Variants in CNTN3 observed in about 807,000 individuals in gnomAD.
CNTN3 encodes contactin 3.
CNTN3 carries 60 observed loss-of-function variants against 119.1 expected under a neutral mutation model. The observed-to-expected ratio is 0.50, with a 90% CI of 0.41 to 0.62. The LOEUF is 0.62. CNTN3 is among the 20% of genes least tolerant of loss of function. The pLI, the probability that CNTN3 is intolerant of heterozygous loss-of-function variation, is 0.00. For synonymous variants in CNTN3, 450 were observed against 438.7 expected, an observed-to-expected ratio of 1.03 and a Z score of -0.32; for missense variants, 1,101 against 1,242.4, an observed-to-expected ratio of 0.89 and a Z score of 1.71.
At chr3:74,605,135 G>C (rs1010831126) in intron 1 of CNTN3, among the ~76,000 whole-genome samples, 1 of 152,082 alleles carries the variant, frequency 6.6e-6, no homozygotes, top group Non-Finnish European at 1.5e-5. Context: ...GGTTACCAGG[G>C]GGGTGAGGAG....
At chr3:74,275,693 TAA>T (rs60218648) in intron 20 of CNTN3, among the ~76,000 whole-genome samples, 19 of 148,422 alleles carry the variant, frequency 1.3e-4, no homozygotes, top group African/African-American at 4.2e-4. Flanking sequence ...AAAGGACCTA[TAA>T]AAAAAAAATA....
chr3:74,509,905 C>T (rs1703334509), intron 2 of CNTN3, among the ~76,000 whole-genome samples: 3 of 151,952 alleles, frequency 2.0e-5, no homozygotes. Context: ...TAATATATTA[C>T]ATGTACTTGT....
In CNTN3 at chr3:74,487,394, G is replaced by A. The variant is rs114743800; in HGVS notation, c.183-763C>T. On this transcript the variant is annotated intron_variant, in intron 3 of 22. Coordinates refer to ENST00000263665, the MANE Select transcript of CNTN3 (RefSeq NM_020872.3). ...CCCACAATCTCAAGAACACATTACCGTAAAAAACAGGGCACCCAGCTCCTA... is the reference window on the plus strand; with the variant it reads ...CCCACAATCTCAAGAACACATTACCATAAAAAACAGGGCACCCAGCTCCTA... 7.5e-3 allele frequency among the ~76,000 whole-genome samples: 1,135 copies of A among 151,954 alleles called. 19 individuals are homozygous for A. The highest frequency in any genetic ancestry group is 0.025 in the African/African-American group (1,054 of 41,438).
intron 5 of CNTN3, among the ~76,000 whole-genome samples, chr3:74,382,825 A>G (rs1197453521): frequency 1.3e-5 from 2 of 152,222 alleles, no homozygotes; most frequent in African/African-American, 4.8e-5. Context: ...TGCTGCAATG[A>G]AAATGGGAGT....
At chr3:74,397,130 A>G (rs1034913074) in intron 5 of CNTN3, among the ~76,000 whole-genome samples, 4 of 152,214 alleles carry the variant, frequency 2.6e-5, no homozygotes, top group African/African-American at 9.6e-5. Context: ...GCCAATGCTC[A>G]TTGACCATTC....
chr3:74,285,409 C>A lies in CNTN3; in HGVS notation c.2600G>T (p.Arg867Leu). ...VAGNETSARLRGLKSNLAYYT... is the reference protein window; with the variant it reads ...VAGNETSARLLGLKSNLAYYT... The stretch of plus-strand genomic sequence containing the variant: ...ATAGGCCAGGTTGCTCTTCAGGCCC[C>A]GTAGTCTGGCTGATGTCTCATTTCC... The change falls in exon 20 of 23, where the codon CGG (arginine) becomes CTG (leucine). Residue 867 changes from arginine to leucine, a missense_variant. By Grantham distance (102) the Arg-to-Leu change is moderately radical. Transcript: ENST00000263665. 4 of 1,613,352 alleles carry A rather than the reference C, an allele frequency of 2.5e-6. No individual in the cohort carries two copies. Among genetic ancestry groups the A allele is most frequent in the Non-Finnish European group, 3.4e-6 (4 of 1,179,706 alleles).
chr3:74,355,250 C>G (rs1207054674), intron 11 of CNTN3, among the ~76,000 whole-genome samples: 1 of 152,130 alleles, frequency 6.6e-6, no homozygotes, highest in African/African-American at 2.4e-5. Context: ...CTCCTGTCTT[C>G]TCTTCAAATC....
At chr3:74,327,405 G>A (rs1183685445) in intron 13 of CNTN3, among the ~76,000 whole-genome samples, 3 of 152,012 alleles carry the variant, frequency 2.0e-5, no homozygotes, top group Non-Finnish European at 4.4e-5. Context: ...TCGTATTACA[G>A]GCATGAGCCA....
chr3:74,504,465 C>CT (rs932898824), intron 2 of CNTN3, among the ~76,000 whole-genome samples: 1 of 152,022 alleles, frequency 6.6e-6, no homozygotes, highest in Non-Finnish European at 1.5e-5. Flanking sequence ...AAGATGGAAA[C>CT]TTTTTTTAGA....
At chr3:74,458,781 G>T (rs1217202639) in intron 4 of CNTN3, among the ~76,000 whole-genome samples, 1 of 152,018 alleles carries the variant, frequency 6.6e-6, no homozygotes, top group African/African-American at 2.4e-5. Flanking sequence ...TGGTATATTT[G>T]TCAACACTCA....
intron 5 of CNTN3, among the ~76,000 whole-genome samples, chr3:74,409,302 A>G (rs1418114458): frequency 6.6e-6 from 1 of 152,200 alleles, no homozygotes; most frequent in East Asian, 1.9e-4. Flanking sequence ...CCAGATAAGT[A>G]AGGTGAATGC....
chr3:74,532,468 G>A (rs969091912), intron 1 of CNTN3, among the ~76,000 whole-genome samples: 1 of 151,784 alleles, frequency 6.6e-6, no homozygotes. Flanking sequence ...AGACAGAGAT[G>A]AACAACAATA....
chr3:74,299,504 C>G (rs1036783264), intron 17 of CNTN3, among the ~76,000 whole-genome samples: 1 of 152,190 alleles, frequency 6.6e-6, no homozygotes, highest in African/African-American at 2.4e-5. Flanking sequence ...CATAACTCAT[C>G]TCTATGTCTA....
At chr3:74,320,095 T>C (rs1702949286) in intron 13 of CNTN3, among the ~76,000 whole-genome samples, 1 of 152,190 alleles carries the variant, frequency 6.6e-6, no homozygotes, top group Non-Finnish European at 1.5e-5. Flanking sequence ...TCAACCATTG[T>C]GGAAGTCAGT....
chr3:74,426,021 T>C (rs539611616), intron 4 of CNTN3, among the ~76,000 whole-genome samples: 1 of 152,186 alleles, frequency 6.6e-6, no homozygotes, highest in Non-Finnish European at 1.5e-5. Flanking sequence ...GTGCAAATAC[T>C]ATTTTGATTA....
intron 4 of CNTN3, among the ~76,000 whole-genome samples, chr3:74,457,429 T>C (rs1702290677): frequency 6.6e-6 from 1 of 152,026 alleles, no homozygotes; most frequent in South Asian, 2.1e-4. Context: ...ACCTAAACTC[T>C]TTGAGACTTA....
At chr3:74,538,008 C>G (rs1443701124) in intron 1 of CNTN3, among the ~76,000 whole-genome samples, 1 of 152,056 alleles carries the variant, frequency 6.6e-6, no homozygotes, top group East Asian at 1.9e-4. Context: ...CCTTCTAAGT[C>G]TTGCTCATCA....
chr3:74,477,239 C>G (rs543972912), intron 4 of CNTN3, among the ~76,000 whole-genome samples: 2 of 152,112 alleles, frequency 1.3e-5, no homozygotes, highest in African/African-American at 2.4e-5. Context: ...TAGAATCTGC[C>G]CAAAGTCACA....
chr3:74,514,346 T>C (rs1703416814), intron 2 of CNTN3, among the ~76,000 whole-genome samples: 1 of 152,144 alleles, frequency 6.6e-6, no homozygotes, highest in Non-Finnish European at 1.5e-5. Flanking sequence ...TCTCTCCATT[T>C]CTAGAAGTCA....
Sources: gnomAD v4.1 joint callset for allele counts (sites outside exome capture counted in the v4.1 genomes callset) on GRCh38, gnomAD v4.1.1 for gene constraint, MANE v1.5 for transcripts, NCBI Gene and HGNC (gene_info 2026-07-23, HGNC 2026-07-21) for gene names.